Variants in USH2A observed in about 807,000 individuals in gnomAD.
USH2A encodes the protein usherin.
A neutral mutation model predicts 538.9 loss-of-function variants in USH2A; 443 were observed. The observed-to-expected ratio is 0.82, with a 90% CI of 0.76 to 0.89. The LOEUF (loss-of-function observed/expected upper bound fraction) is 0.89, where lower values mean the gene tolerates loss of function less well. Ranked by LOEUF, USH2A falls within the 40% of genes least tolerant of loss-of-function variation. The pLI, the probability that USH2A is intolerant of heterozygous loss-of-function variation, is 0.00. For missense variants in USH2A, 6,633 were observed against 6,324.8 expected, an observed-to-expected ratio of 1.05 and a Z score of -1.65; for synonymous variants, 2,413 against 2,273.5, an observed-to-expected ratio of 1.06 and a Z score of -1.75.
intron 11 of USH2A, among the ~76,000 whole-genome samples, chr1:216,254,139 T>C (rs1558346217): frequency 6.6e-6 from 1 of 152,194 alleles, no homozygotes; most frequent in Admixed American, 6.5e-5. Flanking sequence ...TTACTCCCAT[T>C]TCATTAATCT....
At chr1:215,799,150 C>A (rs777354836) in intron 49 of USH2A, 25 bp from the exon 50 acceptor site, 1 of 1,599,954 alleles carries the variant, frequency 6.3e-7, no homozygotes, top group South Asian at 1.1e-5. Context: ...CAATAATAAT[C>A]ATTACATCAG....
intron 21 of USH2A, among the ~76,000 whole-genome samples, chr1:216,140,524 C>T (rs1048098284): frequency 1.6e-4 from 25 of 152,180 alleles, no homozygotes; most frequent in Middle Eastern, 3.4e-3. Context: ...CATAATAAAG[C>T]CAAGTAATTC....
intron 11 of USH2A, among the ~76,000 whole-genome samples, chr1:216,284,056 C>T (rs1019392982): frequency 1.3e-5 from 2 of 152,086 alleles, no homozygotes; most frequent in African/African-American, 4.8e-5. Context: ...ATATGACTCT[C>T]ATTTCCTTGT....
chr1:216,277,177 C>T (rs1319332166), intron 11 of USH2A, among the ~76,000 whole-genome samples: 1 of 152,028 alleles, frequency 6.6e-6, no homozygotes, highest in Admixed American at 6.6e-5. Flanking sequence ...ATCTATGATC[C>T]CTCAGCATCT....
At position 216,070,149 on chromosome 1, in the gene USH2A, G is replaced by A. The variant is rs141539554; in HGVS notation, c.6001C>T (p.Arg2001Cys). The A allele has an allele frequency of 1.8e-4, 287 of 1,613,980 alleles. 4 individuals carry two copies. In the East Asian group the frequency reaches 2.9e-3, roughly 16 times the overall value. The change falls in exon 30 of 72, where the codon CGC becomes TGC. Residue 2001 changes from arginine to cysteine, a missense_variant. Arg to Cys is a radical substitution (Grantham distance 180, BLOSUM62 -3). Coordinates refer to ENST00000307340, the MANE Select transcript of USH2A (RefSeq NM_206933.4). ...AYSEDSTRPP[R>C]MPSASAEFVN... The stretch of plus-strand genomic sequence containing the variant: ...AATTCAGCACTGGCAGAGGGCATGC[G>A]GGGTGGACGGGTGCTGTCCTCACTA...
chr1:216,002,913 G>A (rs546765983), intron 32 of USH2A, among the ~76,000 whole-genome samples: 3 of 152,206 alleles, frequency 2.0e-5, no homozygotes, highest in African/African-American at 7.2e-5. Flanking sequence ...ATATCGCAGT[G>A]TCTGCTTATC....
chr1:216,046,613 A>G (rs1447222394), intron 31 of USH2A, 21 bp from the exon 32 acceptor site: 2 of 1,613,440 alleles, frequency 1.2e-6, no homozygotes, highest in African/African-American at 1.3e-5. Flanking sequence ...AAAGATTTAT[A>G]GAGTCTAATT....
At chr1:215,903,599 T>C (rs2102472441) in intron 38 of USH2A, among the ~76,000 whole-genome samples, 1 of 152,200 alleles carries the variant, frequency 6.6e-6, no homozygotes, top group African/African-American at 2.4e-5. Flanking sequence ...CAGTGCACAC[T>C]GGCTGCCAAA....
chr1:215,642,378 T>A (rs1310328760), intron 67 of USH2A, among the ~76,000 whole-genome samples: 1 of 152,180 alleles, frequency 6.6e-6, no homozygotes, highest in Admixed American at 6.5e-5. Context: ...GAACCTAGGC[T>A]TGCTTAAATA....
intron 21 of USH2A, among the ~76,000 whole-genome samples, chr1:216,149,847 G>A (rs181761817): frequency 3.0e-3 from 450 of 152,158 alleles, no homozygotes; most frequent in Non-Finnish European, 2.8e-3. Flanking sequence ...CCCGACTGCC[G>A]TCCGCCTGCA....
At chr1:216,002,636 T>C (rs1668291325) in intron 32 of USH2A, among the ~76,000 whole-genome samples, 1 of 152,140 alleles carries the variant, frequency 6.6e-6, no homozygotes, top group African/African-American at 2.4e-5. Context: ...CAGATTGTCT[T>C]GGTCAGCCGC....
intron 67 of USH2A, among the ~76,000 whole-genome samples, chr1:215,641,288 T>G (rs932597113): frequency 6.6e-6 from 1 of 152,208 alleles, no homozygotes. Context: ...TTTCTCAAAC[T>G]GTTAGTTTGT....
chr1:215,978,298 G>A (rs1022010145), intron 35 of USH2A, among the ~76,000 whole-genome samples: 2 of 152,052 alleles, frequency 1.3e-5, no homozygotes, highest in Admixed American at 6.6e-5. Context: ...ATTTTACAGG[G>A]CCATACAAAT....
chr1:215,779,550 T>A lies in USH2A; in HGVS notation c.10939+293A>T, dbSNP rs185424646. Among the ~76,000 whole-genome samples, 394 of 152,222 alleles carry A rather than the reference T, an allele frequency of 2.6e-3. 10 individuals carry two copies. Among genetic ancestry groups the A allele is most frequent in the Admixed American group, 0.025 (380 of 15,286 alleles). On this transcript the variant is annotated intron_variant, in intron 55 of 71. Transcript: ENST00000307340. ...TGAGTATATCCTTGGGGAATGAAAATGCATCTTACTGTTTGTTTGAAAAAA... is the reference window on the plus strand; with the variant it reads ...TGAGTATATCCTTGGGGAATGAAAAAGCATCTTACTGTTTGTTTGAAAAAA...
intron 44 of USH2A, among the ~76,000 whole-genome samples, chr1:215,854,189 C>T (rs908818376): frequency 2.2e-4 from 33 of 152,120 alleles, no homozygotes; most frequent in Admixed American, 1.2e-3. Context: ...TCTTACATGG[C>T]GGTAGACAAG....
chr1:216,226,236 A>G (rs1365657517), intron 14 of USH2A, among the ~76,000 whole-genome samples: 1 of 152,208 alleles, frequency 6.6e-6, no homozygotes. Context: ...GTGGATATAA[A>G]ATGAGTTAGT....
chr1:215,639,348 C>T, intron 68 of USH2A, 110 bp from the exon 69 acceptor site: 1 of 1,003,974 alleles, frequency 1.0e-6, no homozygotes, highest in Non-Finnish European at 1.6e-6. Context: ...GATTCCAAAG[C>T]AAGTTATGAC....
intron 9 of USH2A, among the ~76,000 whole-genome samples, chr1:216,314,795 T>TC (rs2037477915): frequency 6.6e-6 from 1 of 152,166 alleles, no homozygotes; most frequent in East Asian, 1.9e-4. Context: ...TATAAAAGGG[T>TC]CATAAGTTAG....
At position 215,912,508 on chromosome 1, in the gene USH2A, TATAC is replaced by T. The variant is rs1403160766; in HGVS notation, c.7301-11607_7301-11604del. Among the ~76,000 whole-genome samples the T allele has an allele frequency of 2.3e-3, 41 of 17,480 alleles. 1 individual carries two copies. Among genetic ancestry groups the T allele is most frequent in the African/African-American group, 8.6e-3 (41 of 4,790 alleles). The allele number at this position is 17,480 out of a possible 152,430, so 11.5% of individuals were successfully genotyped here. ...ATATATATGTGTATATATATATATA[TATAC>T]GTGTATATATATATATATATATATG... On this transcript the variant is annotated intron_variant, in intron 38 of 71. Transcript: ENST00000307340.
Sources: allele counts gnomAD v4.1 joint callset (sites outside exome capture counted in the v4.1 genomes callset), GRCh38; gene constraint gnomAD v4.1.1; transcripts MANE v1.5; gene names NCBI Gene and HGNC (gene_info 2026-07-23, HGNC 2026-07-21).